The following NUP58 variants were observed in gnomAD, a reference collection of about 807,000 sequenced individuals.
NUP58 encodes nucleoporin p58/p45.
Under a neutral mutation model 70.1 loss-of-function variants are expected in NUP58, and 17 were observed. The observed-to-expected ratio is 0.24, with a 90% CI of 0.17 to 0.36. NUP58 has a LOEUF of 0.36. NUP58 is among the 10% of genes least tolerant of loss of function. The pLI is 1.00. For missense variants in NUP58, 644 were observed against 701.5 expected, an observed-to-expected ratio of 0.92 and a Z score of 0.93; for synonymous variants, 275 against 257.6, an observed-to-expected ratio of 1.07 and a Z score of -0.65.
At chr13:25,347,420 A>G (rs540777381), downstream of NUP58, among the ~76,000 whole-genome samples, 128 of 152,322 alleles carry the variant, frequency 8.4e-4, 1 homozygote, top group African/African-American at 3.0e-3. Context: ...AGCTAAAAAC[A>G]GCACTGGTAA....
At chr13:25,305,794 A>AT (rs1389858515) in intron 1 of NUP58, among the ~76,000 whole-genome samples, 14 of 151,950 alleles carry the variant, frequency 9.2e-5, no homozygotes, top group Non-Finnish European at 1.9e-4. Context: ...CTGCTTGAGT[A>AT]TTTCTTTTCC....
chr13:25,327,511 A>C lies in NUP58; in HGVS notation c.1232A>C (p.Lys411Thr). ...CTTCAGTCTATTCATGAAAATGTAA[A>C]GGTAAGTTTTCATTACCCATTTATC... ...AQLQSIHENV[K>T]VLKEQYLGYR... is the part of the protein sequence containing the mutation. Residue 411 changes from lysine to threonine, a missense_variant and splice_region_variant, in exon 12 of 16, where the codon AAG (lysine) becomes ACG (threonine). By Grantham distance (78) the Lys-to-Thr change is moderately conservative. This residue lies in a region of NUP58 where 78 missense variants were observed against 71.3 expected (regional missense o/e 1.09). Coordinates refer to ENST00000381736, the MANE Select transcript of NUP58 (RefSeq NM_014089.4). 1 of 1,605,154 alleles carries C rather than the reference A, an allele frequency of 6.2e-7. No individual in the cohort carries two copies. The highest frequency in any genetic ancestry group is 2.2e-5 in the East Asian group (1 of 44,694).
At chr13:25,307,753 A>G (rs886924752) in intron 1 of NUP58, 53 bp from the exon 2 acceptor site, 2 of 1,579,672 alleles carry the variant, frequency 1.3e-6, no homozygotes, top group South Asian at 1.1e-5. Flanking sequence ...TGGCTCTAGT[A>G]GACCTCCTTT....
intron 3 of NUP58, among the ~76,000 whole-genome samples, chr13:25,309,742 A>T (rs1193292383): frequency 6.6e-6 from 1 of 152,230 alleles, no homozygotes; most frequent in Admixed American, 6.5e-5. Flanking sequence ...AGGGAATGTG[A>T]ATAACTAGGG....
At chr13:25,335,664 G>T (rs2031754873) in intron 13 of NUP58, 7 of 985,202 alleles carry the variant, frequency 7.1e-6, no homozygotes, top group Non-Finnish European at 8.4e-6. Flanking sequence ...TATTCGAAAA[G>T]TCCAGTTTCT....
chr13:25,331,269 CTT>C, intron 12 of NUP58, 86 bp from the exon 13 acceptor site: 3 of 1,251,772 alleles, frequency 2.4e-6, no homozygotes, highest in Non-Finnish European at 3.4e-6. Context: ...TTGGGACTGT[CTT>C]TGGTAATTTA....
Position 25,315,531 on chromosome 13 carries a change from A to G in NUP58, c.685+64A>G, listed in dbSNP as rs73470440. 1.6e-3 allele frequency: 1,878 copies of G among 1,143,878 alleles called. 13 individuals are homozygous for G. The African/African-American group carries it at 0.018, about 11-fold the overall frequency. 70.9% of individuals were successfully genotyped at this position (1,143,878 alleles called of 1,614,324 possible). ...TGTTGAGGGAATGTCTAGGTTGCTCAAAATTCCTTTGTGTGGAAGATTAGC... is the reference window on the plus strand; with the variant it reads ...TGTTGAGGGAATGTCTAGGTTGCTCGAAATTCCTTTGTGTGGAAGATTAGC... On this transcript the variant is annotated intron_variant, in intron 6 of 15. Coordinates refer to ENST00000381736, the MANE Select transcript of NUP58 (RefSeq NM_014089.4).
rs1317330743 is a variant in NUP58, at chr13:25,341,315, T to C, written c.*1181T>C. The C allele has an allele frequency of 6.6e-6, 1 of 152,588 alleles. No homozygotes were observed. The highest frequency in any genetic ancestry group is 1.5e-5 in the Non-Finnish European group (1 of 68,010). The allele number at this position is 152,588 out of a possible 1,614,324, so 9.5% of individuals were successfully genotyped here. ...TCTGAGATGAACTTTCAGGAGCCTA[T>C]TTGAACTCCAGACTGGTGTTCTGGG... On this transcript the variant is annotated 3_prime_UTR_variant, in exon 16 of 16. Transcript: ENST00000381736.
At chr13:25,333,690 A>G (rs1475296331) in intron 13 of NUP58, 6 of 985,258 alleles carry the variant, frequency 6.1e-6, no homozygotes, top group Non-Finnish European at 7.2e-6. Flanking sequence ...GAGCTCTGTT[A>G]GATACATTTA....
At chr13:25,326,366 CTG>C (rs1326955301) in intron 10 of NUP58, among the ~76,000 whole-genome samples, 1 of 151,140 alleles carries the variant, frequency 6.6e-6, no homozygotes, top group Non-Finnish European at 1.5e-5. Flanking sequence ...CTAGCACTCT[CTG>C]TGGGTAAATT....
chr13:25,326,811 G>A (rs977651725), intron 10 of NUP58, 105 bp from the exon 11 acceptor site: 1 of 546,922 alleles, frequency 1.8e-6, no homozygotes, highest in Non-Finnish European at 3.2e-6. Flanking sequence ...GGATAACCTT[G>A]ATACTTTTGA....
intron 12 of NUP58, among the ~76,000 whole-genome samples, chr13:25,328,070 G>A (rs972555819): frequency 2.0e-5 from 3 of 151,880 alleles, no homozygotes; most frequent in African/African-American, 7.3e-5. Context: ...ATGGTGGCGG[G>A]CACTTGTAGT....
At chr13:25,304,810 G>A (rs1299566858) in intron 1 of NUP58, among the ~76,000 whole-genome samples, 1 of 151,816 alleles carries the variant, frequency 6.6e-6, no homozygotes, top group African/African-American at 2.4e-5. Flanking sequence ...GATTACAGGC[G>A]TGAGCCACCA....
chr13:25,303,227 A>G, intron 1 of NUP58: 1 of 400,330 alleles, frequency 2.5e-6, no homozygotes, highest in Non-Finnish European at 4.8e-6. Flanking sequence ...GAAGTTTAAA[A>G]AAGAAAAAAA....
chr13:25,343,529 T>G (rs1183735880), downstream of NUP58, among the ~76,000 whole-genome samples: 2 of 150,648 alleles, frequency 1.3e-5, no homozygotes, highest in Non-Finnish European at 3.0e-5. Flanking sequence ...CTCGGCTCAC[T>G]GCAGCCTCTG....
intron 13 of NUP58, chr13:25,335,116 C>T (rs751580825): frequency 2.0e-6 from 2 of 985,146 alleles, no homozygotes; most frequent in Non-Finnish European, 2.4e-6. Context: ...ATACATTTGC[C>T]TACGAGTTTT....
At chr13:25,343,574 G>A (rs142424217), downstream of NUP58, among the ~76,000 whole-genome samples, 746 of 150,456 alleles carry the variant, frequency 5.0e-3, 4 homozygotes, top group African/African-American at 0.017. Flanking sequence ...CTCAGCCTCT[G>A]GAGTAGCTGG....
chr13:25,338,191 G>A (rs888476169), intron 14 of NUP58, among the ~76,000 whole-genome samples: 65 of 152,090 alleles, frequency 4.3e-4, no homozygotes, highest in African/African-American at 1.5e-3. Flanking sequence ...AATGTTTTGG[G>A]AAAGAGCAGA....
intron 13 of NUP58, 77 bp downstream of exon 13, chr13:25,331,635 TTGTG>T: frequency 6.5e-7 from 1 of 1,535,904 alleles, no homozygotes; most frequent in Admixed American, 2.0e-5. Context: ...AGTCTTCCAT[TTGTG>T]TGAGCACTGA....
Sources: gnomAD v4.1 joint callset for allele counts (sites outside exome capture counted in the v4.1 genomes callset) on GRCh38, gnomAD v4.1.1 for gene constraint, gnomAD v4.1.1 regional missense constraint, MANE v1.5 for transcripts, NCBI Gene and HGNC (gene_info 2026-07-23, HGNC 2026-07-21) for gene names.